The following MYRIP variants were observed in gnomAD, a reference collection of about 807,000 sequenced individuals.
MYRIP encodes the protein rab effector MyRIP.
MYRIP carries 49 observed loss-of-function variants against 98.0 expected under a neutral mutation model. The ratio of observed to expected loss-of-function variants is 0.50; its 90% CI spans 0.40 to 0.63. The LOEUF (loss-of-function observed/expected upper bound fraction) is 0.63, where lower values mean the gene tolerates loss of function less well. Ranked by LOEUF, MYRIP falls within the 30% of genes least tolerant of loss-of-function variation. The pLI is 0.00. For synonymous variants in MYRIP, 404 were observed against 409.5 expected, an observed-to-expected ratio of 0.99 and a Z score of 0.16; for missense variants, 1,004 against 1,058.2, an observed-to-expected ratio of 0.95 and a Z score of 0.71.
intron 1 of MYRIP, among the ~76,000 whole-genome samples, chr3:39,848,998 T>G (rs1942050354): frequency 6.6e-6 from 1 of 152,238 alleles, no homozygotes; most frequent in Non-Finnish European, 1.5e-5. Flanking sequence ...AGAAGGGAAT[T>G]AATTCATTTT....
chr3:40,030,469 G>T (rs1947234044), intron 2 of MYRIP, among the ~76,000 whole-genome samples: 2 of 152,082 alleles, frequency 1.3e-5, no homozygotes, highest in South Asian at 4.1e-4. Context: ...GTTACTATGT[G>T]ACCTACCAAT....
At chr3:39,929,614 A>G (rs990948668) in intron 2 of MYRIP, among the ~76,000 whole-genome samples, 2 of 152,068 alleles carry the variant, frequency 1.3e-5, no homozygotes, top group Non-Finnish European at 1.5e-5. Flanking sequence ...TATAATTTAC[A>G]TAGCACAAAA....
intron 10 of MYRIP, among the ~76,000 whole-genome samples, chr3:40,199,179 G>T (rs985702846): frequency 6.6e-6 from 1 of 152,146 alleles, no homozygotes; most frequent in African/African-American, 2.4e-5. Context: ...AAATCCAAGA[G>T]AAACTCATCC....
intron 10 of MYRIP, 60 bp from the exon 11 acceptor site, chr3:40,209,794 C>T: frequency 6.3e-7 from 1 of 1,598,940 alleles, no homozygotes; most frequent in Non-Finnish European, 8.5e-7. Flanking sequence ...TTATTGGGAA[C>T]AAGAAGCAAC....
intron 2 of MYRIP, among the ~76,000 whole-genome samples, chr3:40,008,823 G>A (rs1398220355): frequency 6.6e-6 from 1 of 152,196 alleles, no homozygotes; most frequent in African/African-American, 2.4e-5. Flanking sequence ...GTTCTCTGCA[G>A]ATTTGCCTCT....
chr3:40,183,479 G>A (rs1348279241), intron 9 of MYRIP, among the ~76,000 whole-genome samples: 1 of 152,166 alleles, frequency 6.6e-6, no homozygotes, highest in Non-Finnish European at 1.5e-5. Context: ...AAATGAAGGG[G>A]CTCAAATGAA....
chr3:40,166,597 C>G (rs1324192587), intron 5 of MYRIP, among the ~76,000 whole-genome samples: 1 of 152,148 alleles, frequency 6.6e-6, no homozygotes. Flanking sequence ...GAGCAAGAGT[C>G]TAGGAGGGAG....
In MYRIP at chr3:40,244,463, C is replaced by G. The variant is rs367825690; in HGVS notation, c.2118C>G (p.Gly706=). ...SLEENVYLAA[G]TVYGLETQLT... is the part of the protein sequence containing the mutation. Reference sequence around the variant, plus strand: ...CTCTACAGGTATACCTGGCAGCAGGCACTGTGTATGGACTGGAGACCCAGC... The same window carrying G: ...CTCTACAGGTATACCTGGCAGCAGGGACTGTGTATGGACTGGAGACCCAGC... The change falls in exon 13 of 17, where the codon GGC becomes GGG. Residue 706 remains glycine, a synonymous_variant. Transcript: ENST00000302541. The G allele has an allele frequency of 6.2e-7, 1 of 1,612,594 alleles. No individual in the cohort carries two copies. Among genetic ancestry groups the G allele is most frequent in the African/African-American group, 1.3e-5 (1 of 74,858 alleles).
chr3:40,017,191 C>T (rs1946882019), intron 2 of MYRIP, among the ~76,000 whole-genome samples: 1 of 152,212 alleles, frequency 6.6e-6, no homozygotes, highest in Admixed American at 6.5e-5. Flanking sequence ...ACTCCCACTT[C>T]CTTGCACATC....
At chr3:39,863,366 G>A (rs547085294) in intron 1 of MYRIP, among the ~76,000 whole-genome samples, 1 of 151,920 alleles carries the variant, frequency 6.6e-6, no homozygotes, top group African/African-American at 2.4e-5. Context: ...AGATCCAGGA[G>A]TAGTTCTTTG....
At chr3:40,079,193 C>T (rs540654853) in intron 3 of MYRIP, among the ~76,000 whole-genome samples, 3 of 152,298 alleles carry the variant, frequency 2.0e-5, no homozygotes, top group African/African-American at 7.2e-5. Flanking sequence ...CACGATTTAC[C>T]ATTTAAGCCT....
At chr3:40,213,860 A>T (rs950795737) in intron 11 of MYRIP, among the ~76,000 whole-genome samples, 2 of 152,196 alleles carry the variant, frequency 1.3e-5, no homozygotes, top group African/African-American at 4.8e-5. Context: ...CTAGTGACTG[A>T]TGGGAAGGGT....
intron 3 of MYRIP, among the ~76,000 whole-genome samples, chr3:40,062,565 C>A (rs758495250): frequency 1.3e-5 from 2 of 152,132 alleles, no homozygotes; most frequent in African/African-American, 4.8e-5. Flanking sequence ...AGGACCCATA[C>A]AAAATCCATG....
rs184896950 is a variant in MYRIP, at chr3:40,215,006, A to G, written c.1905+4913A>G. On this transcript the variant is annotated intron_variant, in intron 11 of 16. Transcript: ENST00000302541. ...AAGTTGTAGATATGCGATAGAATACATAGGTTTTTGCTTCTTAACATAAGT... is the reference window on the plus strand; with the variant it reads ...AAGTTGTAGATATGCGATAGAATACGTAGGTTTTTGCTTCTTAACATAAGT... Among the ~76,000 whole-genome samples, 4 of 152,330 alleles carry G rather than the reference A, an allele frequency of 2.6e-5. No homozygotes were observed. In the East Asian group the frequency reaches 5.8e-4, roughly 22 times the overall value.
At chr3:39,888,612 C>T (rs79115586) in intron 1 of MYRIP, among the ~76,000 whole-genome samples, 3,179 of 152,122 alleles carry the variant, frequency 0.021, 53 homozygotes, top group Non-Finnish European at 0.033. Flanking sequence ...TCAGGACATA[C>T]GCATGAGCAA....
intron 2 of MYRIP, among the ~76,000 whole-genome samples, chr3:39,996,297 G>A (rs1946352443): frequency 6.6e-6 from 1 of 152,122 alleles, no homozygotes; most frequent in African/African-American, 2.4e-5. Flanking sequence ...CATCTCACAT[G>A]CAGAGACACA....
chr3:40,190,102 C>G lies in MYRIP; in HGVS notation c.1304C>G (p.Pro435Arg), dbSNP rs201578923. Residue 435 changes from proline to arginine, a missense_variant, in exon 10 of 17, where the codon CCC becomes CGC. This residue lies in a region of MYRIP where 880 missense variants were observed against 907.7 expected (regional missense o/e 0.97). Transcript: ENST00000302541. ...PTQAQSSDQG[P>R]IAASPSSALS... Reference sequence around the variant, plus strand: ...CAGGCCCAGAGCTCTGACCAAGGCCCCATAGCTGCCTCCCCATCCTCTGCA... The same window carrying G: ...CAGGCCCAGAGCTCTGACCAAGGCCGCATAGCTGCCTCCCCATCCTCTGCA... 23 of 1,614,020 alleles carry G rather than the reference C, an allele frequency of 1.4e-5. No homozygotes were observed. In the East Asian group the frequency reaches 5.1e-4, roughly 36 times the overall value.
At chr3:40,098,772 G>GTA (rs1948882908) in intron 3 of MYRIP, among the ~76,000 whole-genome samples, 1 of 150,808 alleles carries the variant, frequency 6.6e-6, no homozygotes, top group Admixed American at 6.6e-5. Flanking sequence ...GTGTGTGTGT[G>GTA]TGTGTGTCTT....
At chr3:40,079,764 A>G (rs1377693635) in intron 3 of MYRIP, among the ~76,000 whole-genome samples, 1 of 152,248 alleles carries the variant, frequency 6.6e-6, no homozygotes, top group Non-Finnish European at 1.5e-5. Flanking sequence ...GCTGGGGCCA[A>G]GGGAGCTGGA....
Sources: allele counts gnomAD v4.1 joint callset (sites outside exome capture counted in the v4.1 genomes callset), GRCh38; gene constraint gnomAD v4.1.1; regional missense constraint gnomAD v4.1.1; transcripts MANE v1.5; gene names NCBI Gene and HGNC (gene_info 2026-07-23, HGNC 2026-07-21).